Variants in ZSCAN4 observed in about 807,000 individuals in gnomAD.
ZSCAN4 encodes zinc finger and SCAN domain-containing protein 4.
Under a neutral mutation model 18.3 loss-of-function variants are expected in ZSCAN4, and 18 were observed. The ratio of observed to expected loss-of-function variants is 0.98; its 90% CI spans 0.68 to 1.46. The LOEUF is 1.46. Ranked by LOEUF, ZSCAN4 falls within the 40% of genes most tolerant of loss-of-function variation. The pLI is 0.00. For synonymous variants in ZSCAN4, 193 were observed against 180.3 expected (o/e 1.07, Z -0.57); for missense variants, 498 against 511.4 (o/e 0.97, Z 0.25).
chr19:57,667,879 TTTTTTTTGTTTGTTTTTTG>T (rs1480182830), upstream of ZSCAN4, among the ~76,000 whole-genome samples: 43 of 145,948 alleles, frequency 2.9e-4, no homozygotes, highest in African/African-American at 4.8e-4. Flanking sequence ...TTTCATTGTT[TTTTTTTTGTTTGTTTTTTG>T]TTTGTTTGTT....
chr19:57,660,150 C>G, the ZSCAN4 span, among the ~76,000 whole-genome samples: 5 of 152,186 alleles, frequency 3.3e-5, no homozygotes, highest in Non-Finnish European at 4.4e-5. Flanking sequence ...TCATGCTTTT[C>G]AAGTAAGTTT....
At chr19:57,666,408 G>A (rs1396223474), upstream of ZSCAN4, among the ~76,000 whole-genome samples, 1 of 152,248 alleles carries the variant, frequency 6.6e-6, no homozygotes. Context: ...GGCCACCTAC[G>A]GGAGGTGCAG....
rs528578396 is a variant in ZSCAN4 at position 57,679,071 on chromosome 19, T to C, written c.*166T>C. On this transcript the variant is annotated 3_prime_UTR_variant, in exon 5 of 5. Transcript: ENST00000318203. Reference sequence around the variant, plus strand: ...AGAGCATGGAATTTGTCAGTTTTGTTCACTAAAGTATTCCAAGTGGTTGGG... The same window carrying C: ...AGAGCATGGAATTTGTCAGTTTTGTCCACTAAAGTATTCCAAGTGGTTGGG... 4 of 742,630 alleles carry C rather than the reference T, an allele frequency of 5.4e-6. No homozygotes were observed. The East Asian group carries it at 1.3e-4, about 24-fold the overall frequency. 46.0% of individuals were successfully genotyped at this position (742,630 alleles called of 1,614,324 possible).
At chr19:57,663,519 C>CAAAAAAAAAAAAAAAAAAAAAAAAAAAAA in the ZSCAN4 span, among the ~76,000 whole-genome samples, 1 of 18,286 alleles carries the variant, frequency 5.5e-5, no homozygotes, top group African/African-American at 2.2e-4. Context: ...AACCATGTCT[C>CAAAAAAAAAAAAAAAAAAAAAAAAAAAAA]TAAAAAAAAA....
the ZSCAN4 span, among the ~76,000 whole-genome samples, chr19:57,653,478 T>G: frequency 3.8e-3 from 573 of 151,454 alleles, 2 homozygotes; most frequent in Middle Eastern, 0.017. Context: ...CCTAAAGCCC[T>G]CAGGCCAACA....
Position 57,676,288 on chromosome 19 carries a change from ATTCAT to A in ZSCAN4, c.148_152del (p.Phe50ArgfsTer4). On this transcript the variant is annotated frameshift_variant, in exon 3 of 5. Transcript: ENST00000318203. LOFTEE classifies it high-confidence loss of function. ...TCTGAGTTCTCAAGAATGGTGCTCAATTCATTTCAAGACAGCAATAATTCATATGC... is the reference window on the plus strand; with the variant it reads ...TCTGAGTTCTCAAGAATGGTGCTCAATTCAAGACAGCAATAATTCATATGC... 1 of 1,614,202 alleles carries A rather than the reference ATTCAT, an allele frequency of 6.2e-7. No homozygotes were observed. The highest frequency in any genetic ancestry group is 8.5e-7 in the Non-Finnish European group (1 of 1,180,032).
chr19:57,672,401 T>C (rs939166928), intron 2 of ZSCAN4, among the ~76,000 whole-genome samples: 1 of 152,206 alleles, frequency 6.6e-6, no homozygotes, highest in Admixed American at 6.5e-5. Context: ...GTGTCATTTG[T>C]ATGGATTCTG....
intron 3 of ZSCAN4, among the ~76,000 whole-genome samples, chr19:57,677,419 ATT>A (rs71188043): frequency 1.0e-4 from 15 of 149,620 alleles, no homozygotes; most frequent in African/African-American, 2.4e-4. Flanking sequence ...TTAGTGGCAC[ATT>A]TTTTTTTTTG....
the ZSCAN4 span, among the ~76,000 whole-genome samples, chr19:57,659,449 T>C: frequency 6.6e-6 from 1 of 152,200 alleles, no homozygotes; most frequent in Non-Finnish European, 1.5e-5. Flanking sequence ...TTCAGTGGCA[T>C]GATCACAGCT....
chr19:57,659,471 C>G, the ZSCAN4 span, among the ~76,000 whole-genome samples: 128 of 152,276 alleles, frequency 8.4e-4, 3 homozygotes, highest in South Asian at 0.025. Context: ...ACAGCAGCCT[C>G]GAACTCTCAA....
At chr19:57,675,141 CTT>C (rs1171741360) in intron 2 of ZSCAN4, among the ~76,000 whole-genome samples, 47 of 78,060 alleles carry the variant, frequency 6.0e-4, no homozygotes, top group African/African-American at 2.3e-3. Context: ...GTGCGTGTGG[CTT>C]TTTTTTTTTT....
chr19:57,661,950 G>A, the ZSCAN4 span, among the ~76,000 whole-genome samples: 1 of 152,090 alleles, frequency 6.6e-6, no homozygotes, highest in African/African-American at 2.4e-5. Flanking sequence ...ATGTGGTGGT[G>A]CACGCCTGTA....
the ZSCAN4 span, among the ~76,000 whole-genome samples, chr19:57,656,161 T>A: frequency 6.6e-6 from 1 of 152,114 alleles, no homozygotes; most frequent in Admixed American, 6.5e-5. Flanking sequence ...AAACTACCAT[T>A]AGAGGCCACC....
chr19:57,653,615 C>G, the ZSCAN4 span, among the ~76,000 whole-genome samples: 435 of 152,238 alleles, frequency 2.9e-3, 4 homozygotes, highest in African/African-American at 0.01. Context: ...CCTTCAAAGT[C>G]TTTAACAATA....
chr19:57,660,517 A>C, the ZSCAN4 span, among the ~76,000 whole-genome samples: 1 of 152,222 alleles, frequency 6.6e-6, no homozygotes, highest in African/African-American at 2.4e-5. Context: ...TACCGTTTAA[A>C]TGAGTCTCAA....
At chr19:57,675,918 A>G (rs1403357746) in intron 2 of ZSCAN4, 123 bp from the exon 3 acceptor site, 2 of 449,780 alleles carry the variant, frequency 4.4e-6, no homozygotes, top group East Asian at 7.2e-5. Context: ...GGGAGAGTTT[A>G]TGTTAAGTTA....
the ZSCAN4 span, among the ~76,000 whole-genome samples, chr19:57,663,520 T>TAAAAAAAAAAAAAAAAAAAAAAAAAAAA: frequency 1.5e-5 from 1 of 66,548 alleles, no homozygotes; most frequent in African/African-American, 6.4e-5. Context: ...ACCATGTCTC[T>TAAAAAAAAAAAAAAAAAAAAAAAAAAAA]AAAAAAAAAA....
the ZSCAN4 span, among the ~76,000 whole-genome samples, chr19:57,655,700 A>T: frequency 6.6e-6 from 1 of 152,008 alleles, no homozygotes; most frequent in Non-Finnish European, 1.5e-5. Flanking sequence ...CCTACCAAAG[A>T]TGTAAAGTTC....
At chr19:57,663,519 C>CAAAAAAAAAAAAAAAAAAAAAAAAAAAA in the ZSCAN4 span, among the ~76,000 whole-genome samples, 1 of 18,286 alleles carries the variant, frequency 5.5e-5, no homozygotes, top group African/African-American at 2.2e-4. Context: ...AACCATGTCT[C>CAAAAAAAAAAAAAAAAAAAAAAAAAAAA]TAAAAAAAAA....
Sources: allele counts gnomAD v4.1 joint callset (sites outside exome capture counted in the v4.1 genomes callset), GRCh38; gene constraint gnomAD v4.1.1; transcripts MANE v1.5; gene names NCBI Gene and HGNC (gene_info 2026-07-23, HGNC 2026-07-21).